The following GPATCH2L variants were observed in gnomAD, a reference collection of about 807,000 sequenced individuals.
GPATCH2L encodes G-patch domain containing 2 like.
In GPATCH2L, 31 loss-of-function variants were observed where a neutral mutation model predicts 57.4. The observed-to-expected ratio is 0.54, with a 90% CI of 0.41 to 0.73. GPATCH2L has a LOEUF of 0.73. GPATCH2L is among the 30% of genes least tolerant of loss of function. The pLI is 0.00. For missense variants in GPATCH2L, 481 were observed against 599.9 expected (o/e 0.80, Z 2.07); for synonymous variants, 199 against 210.7 (o/e 0.94, Z 0.48).
At chr14:76,167,566 G>C (rs1051664640) in intron 3 of GPATCH2L, among the ~76,000 whole-genome samples, 1 of 152,154 alleles carries the variant, frequency 6.6e-6, no homozygotes, top group Admixed American at 6.5e-5. Context: ...GTGAGACTTA[G>C]CATCCAAGTC....
intron 2 of GPATCH2L, among the ~76,000 whole-genome samples, chr14:76,231,803 A>G (rs983079826): frequency 1.3e-5 from 2 of 152,198 alleles, no homozygotes; most frequent in Admixed American, 6.5e-5. Context: ...TGTGGATGTT[A>G]TTCTACATGT....
At chr14:76,228,918 G>A (rs1357906682) in intron 1 of GPATCH2L, among the ~76,000 whole-genome samples, 2 of 152,198 alleles carry the variant, frequency 1.3e-5, no homozygotes, top group African/African-American at 4.8e-5. Context: ...CATCGACAGG[G>A]AAGCATTAAC....
chr14:76,230,759 C>T (rs143954832), intron 2 of GPATCH2L, among the ~76,000 whole-genome samples: 99 of 152,284 alleles, frequency 6.5e-4, no homozygotes, highest in Middle Eastern at 3.4e-3. Context: ...AGCAATTCTT[C>T]GAAGTAATCA....
At position 76,169,272 on chromosome 14, in the gene GPATCH2L, C is replaced by T. The variant is rs1400711156; in HGVS notation, c.727+2545C>T. Among the ~76,000 whole-genome samples the T allele has an allele frequency of 2.0e-5, 3 of 152,066 alleles. No homozygotes were observed. The South Asian group carries it at 6.2e-4, about 32-fold the overall frequency. On this transcript the variant is annotated intron_variant, in intron 3 of 9. Coordinates refer to ENST00000261530, the MANE Select transcript of GPATCH2L (RefSeq NM_017926.4). ...TAGATTATGTTATTGTTTGTAGGTACGAGTCTTTTCCCTTGAGGCTTTTCA... is the reference window on the plus strand; with the variant it reads ...TAGATTATGTTATTGTTTGTAGGTATGAGTCTTTTCCCTTGAGGCTTTTCA...
intron 1 of GPATCH2L, among the ~76,000 whole-genome samples, chr14:76,225,607 A>G (rs1421678319): frequency 6.6e-6 from 1 of 152,212 alleles, no homozygotes; most frequent in Non-Finnish European, 1.5e-5. Flanking sequence ...AATGATTACT[A>G]TAATTATTGG....
At chr14:76,166,200 AT>A (rs1363060660) in intron 2 of GPATCH2L, among the ~76,000 whole-genome samples, 1 of 151,946 alleles carries the variant, frequency 6.6e-6, no homozygotes, top group African/African-American at 2.4e-5. Context: ...GTTTTGTCAT[AT>A]TTTTTTCTTG....
At chr14:76,164,663 T>C (rs932101002) in intron 2 of GPATCH2L, among the ~76,000 whole-genome samples, 8 of 152,180 alleles carry the variant, frequency 5.3e-5, no homozygotes, top group African/African-American at 1.9e-4. Context: ...GTTTTAAAAC[T>C]GAGAATTTTT....
At position 76,176,681 on chromosome 14, in the gene GPATCH2L, G is replaced by A. The variant is rs143220234; in HGVS notation, c.1043G>A (p.Arg348Gln). Residue 348 changes from arginine to glutamine, a missense_variant, in exon 6 of 10, where the codon CGG (arginine) becomes CAG (glutamine). Physicochemically the swap from Arg to Gln is conservative, Grantham distance 43. Transcript: ENST00000261530. ...ERISHIISDP[R>Q]QKEKNKALAS... is the part of the protein sequence containing the mutation. ...ATAAGCCATATCATTAGTGACCCTC[G>A]GCAGAAAGAGTAAGTGCTTATGTAT... 8.1e-6 allele frequency: 13 copies of A among 1,603,550 alleles called. No homozygotes were observed. Among genetic ancestry groups the A allele is most frequent in the South Asian group, 3.3e-5 (3 of 90,858 alleles).
At chr14:76,233,844 C>A (rs1390064398) in intron 2 of GPATCH2L, among the ~76,000 whole-genome samples, 2 of 152,168 alleles carry the variant, frequency 1.3e-5, no homozygotes, top group African/African-American at 4.8e-5. Flanking sequence ...TGGCTCATCC[C>A]TGTAATCCCA....
At chr14:76,192,276 C>T (rs902856045) in intron 8 of GPATCH2L, among the ~76,000 whole-genome samples, 1 of 152,040 alleles carries the variant, frequency 6.6e-6, no homozygotes. Context: ...TCTAGCAGTA[C>T]TAATGTTCAC....
intron 2 of GPATCH2L, among the ~76,000 whole-genome samples, chr14:76,157,663 C>T (rs2038370503): frequency 8.5e-6 from 1 of 117,128 alleles, no homozygotes; most frequent in South Asian, 3.3e-4. Context: ...TTAGCCTAGT[C>T]AATGGTAGCG....
intron 6 of GPATCH2L, chr14:76,177,765 A>G (rs2039395918): frequency 8.5e-6 from 5 of 585,400 alleles, no homozygotes; most frequent in Non-Finnish European, 1.5e-5. Context: ...CTCTGATTAC[A>G]TCTTTTCTCT....
intron 7 of GPATCH2L, chr14:76,178,991 T>C (rs1308564598): frequency 6.6e-6 from 1 of 152,178 alleles, no homozygotes; most frequent in African/African-American, 2.4e-5. Flanking sequence ...ATTATCTTGG[T>C]GATTAGTTGT....
chr14:76,231,622 T>TACACACACACACAC (rs60488808), intron 2 of GPATCH2L, among the ~76,000 whole-genome samples: 3,277 of 147,426 alleles, frequency 0.022, 45 homozygotes, highest in Non-Finnish European at 0.027. Context: ...ACTAAACACA[T>TACACACACACACAC]ACACACACAC....
At chr14:76,230,881 C>A (rs1234767964) in intron 2 of GPATCH2L, among the ~76,000 whole-genome samples, 1 of 152,180 alleles carries the variant, frequency 6.6e-6, no homozygotes, top group African/African-American at 2.4e-5. Context: ...TGGTAAAAGA[C>A]TTTATTTGAC....
intron 8 of GPATCH2L, among the ~76,000 whole-genome samples, chr14:76,194,879 G>A (rs61979248): frequency 6.6e-6 from 1 of 152,004 alleles, no homozygotes; most frequent in Non-Finnish European, 1.5e-5. Context: ...AATGAGGATC[G>A]CCTGTGTGCC....
chr14:76,158,856 C>T (rs1179033395), intron 2 of GPATCH2L, among the ~76,000 whole-genome samples: 1 of 151,974 alleles, frequency 6.6e-6, no homozygotes, highest in Non-Finnish European at 1.5e-5. Context: ...CTTGGGAGGT[C>T]GATATGATAC....
At position 76,228,001 on chromosome 14, in the gene GPATCH2L, G is replaced by A. The variant is rs551963987; in HGVS notation, c.66-1807G>A. On this transcript the variant is annotated intron_variant and NMD_transcript_variant, in intron 1 of 3. Coordinates refer to the GPATCH2L transcript ENST00000556372. ...TCCCAGCGCAACTCCTATGTGAAAG[G>A]GAAATAGCAGTGGACAACCTGGAGC... is the stretch of plus-strand genomic sequence containing the variant. Among the ~76,000 whole-genome samples the A allele has an allele frequency of 2.9e-3, 447 of 152,276 alleles. 4 individuals are homozygous for A. The highest frequency in any genetic ancestry group is 0.024 in the Middle Eastern group (7 of 294).
chr14:76,171,516 G>T (rs1236991068), intron 3 of GPATCH2L, among the ~76,000 whole-genome samples: 1 of 152,004 alleles, frequency 6.6e-6, no homozygotes, highest in East Asian at 1.9e-4. Context: ...AGGGGAGGCG[G>T]AGGTTACAGT....
Sources: allele counts gnomAD v4.1 joint callset (sites outside exome capture counted in the v4.1 genomes callset), GRCh38; gene constraint gnomAD v4.1.1; transcripts MANE v1.5; gene names NCBI Gene and HGNC (gene_info 2026-07-23, HGNC 2026-07-21).